KIRREL3: variants seen among roughly 807,000 people sequenced by gnomAD.
The protein encoded by KIRREL3 is kin of IRRE-like protein 3.
KIRREL3 carries 36 observed loss-of-function variants against 89.7 expected under a neutral mutation model. The observed-to-expected ratio is 0.40, with a 90% CI of 0.31 to 0.53. The LOEUF (loss-of-function observed/expected upper bound fraction) is 0.53. KIRREL3 is among the 20% of genes least tolerant of loss of function. The pLI is 0.49. For synonymous variants in KIRREL3, 445 were observed against 441.4 expected, an observed-to-expected ratio of 1.01 and a Z score of -0.10; for missense variants, 864 against 1,056.6, an observed-to-expected ratio of 0.82 and a Z score of 2.53.
rs1320409954 is a variant in KIRREL3, at chr11:126,837,749, T to A, written c.55+162706A>T. On this transcript the variant is annotated intron_variant, in intron 1 of 16. Coordinates refer to ENST00000525144, the MANE Select transcript of KIRREL3 (RefSeq NM_032531.4). The surrounding 1 kb of genome is among the most constrained non-coding windows in gnomAD (Gnocchi z 4.7). ...ACAAACTATTGTGATTAAAGGTGAT[T>A]TTGTCAAAGCATAACACTACCTCTC... 1.3e-5 allele frequency among the ~76,000 whole-genome samples: 2 copies of A among 152,192 alleles called. No individual in the cohort carries two copies. Among genetic ancestry groups the A allele is most frequent in the African/African-American group, 4.8e-5 (2 of 41,440 alleles).
chr11:126,572,879 G>T (rs189811770), intron 1 of KIRREL3, among the ~76,000 whole-genome samples: 1 of 152,158 alleles, frequency 6.6e-6, no homozygotes, highest in Non-Finnish European at 1.5e-5. Context: ...AGGGCCACAC[G>T]CTGACTTTAA....
chr11:126,712,930 C>T (rs1177516821), intron 1 of KIRREL3, among the ~76,000 whole-genome samples: 4 of 152,140 alleles, frequency 2.6e-5, no homozygotes, highest in Non-Finnish European at 4.4e-5. Flanking sequence ...GAAGCTCTGG[C>T]GTGGTGCTAG....
Position 126,484,422 on chromosome 11 carries a change from A to T in KIRREL3, c.434-10956T>A, listed in dbSNP as rs1957297215. Among the ~76,000 whole-genome samples the T allele has an allele frequency of 6.6e-6, 1 of 152,224 alleles. No individual in the cohort carries two copies. The highest frequency in any genetic ancestry group is 2.4e-5 in the African/African-American group (1 of 41,454). ...CTGTGTACTTTACAAATATCCTTTA[A>T]TCCTCACAGCTCTATATAAGGTAGA... is the stretch of plus-strand genomic sequence containing the variant. On this transcript the variant is annotated intron_variant, in intron 4 of 16. Transcript: ENST00000525144. This position sits in a 1 kb window ranked among gnomAD's most constrained non-coding sequence, Gnocchi z 5.2.
In KIRREL3 at chr11:126,463,171, G is replaced by C; in HGVS notation, c.728C>G (p.Thr243Ser). The change falls in exon 6 of 17, where the codon ACC becomes AGC. Residue 243 changes from threonine (T) to serine (S), a missense_variant. Coordinates refer to ENST00000525144, the MANE Select transcript of KIRREL3 (RefSeq NM_032531.4). This position sits in a 1 kb window ranked among gnomAD's most constrained non-coding sequence, Gnocchi z 5.9. ...TGGGTACTCACGCTGGATGTCAATG[G>C]TGACCGACGTCTCCTTTCCTCCGGG... ...AIPGGKETSV[T>S]IDIQHPPLVN... 6.2e-7 allele frequency: 1 copy of C among 1,613,498 alleles called. No homozygotes were observed. The highest frequency in any genetic ancestry group is 1.1e-5 in the South Asian group (1 of 91,050).
At chr11:126,458,663 C>T (rs1425149612) in intron 6 of KIRREL3, among the ~76,000 whole-genome samples, 1 of 152,232 alleles carries the variant, frequency 6.6e-6, no homozygotes, top group Non-Finnish European at 1.5e-5. Context: ...TGTTCTCCCA[C>T]ATTTTCCCTA....
Position 126,463,471 on chromosome 11 carries a change from G to A in KIRREL3, c.592-164C>T, listed in dbSNP as rs1394366382. ...TGCCCATGTCTACGCAGAGCTCGGG[G>A]GTTACCCCCTGGCTCCCTGGCCTGG... On this transcript the variant is annotated intron_variant, in intron 5 of 16. Transcript: ENST00000525144. The surrounding 1 kb of genome is among the most constrained non-coding windows in gnomAD (Gnocchi z 5.9). Among the ~76,000 whole-genome samples, 1 of 152,230 alleles carries A rather than the reference G, an allele frequency of 6.6e-6. No homozygotes were observed. The highest frequency in any genetic ancestry group is 1.5e-5 in the Non-Finnish European group (1 of 68,044).
Position 126,636,959 on chromosome 11 carries a change from T to G in KIRREL3, c.56-74047A>C, listed in dbSNP as rs1565610230. 6.6e-6 allele frequency among the ~76,000 whole-genome samples: 1 copy of G among 152,194 alleles called. No individual in the cohort carries two copies. Among genetic ancestry groups the G allele is most frequent in the East Asian group, 1.9e-4 (1 of 5,198 alleles). On this transcript the variant is annotated intron_variant, in intron 1 of 16. Coordinates refer to ENST00000525144, the MANE Select transcript of KIRREL3 (RefSeq NM_032531.4). The surrounding 1 kb of genome is among the most constrained non-coding windows in gnomAD (Gnocchi z 4.4). ...AGATGACTGAGGGATAAAAAGGCGA[T>G]GTGAAAGTCCCTAGGAGGGTAGGCA...
intron 1 of KIRREL3, among the ~76,000 whole-genome samples, chr11:126,722,207 T>A (rs945621501): frequency 6.6e-6 from 1 of 152,250 alleles, no homozygotes; most frequent in African/African-American, 2.4e-5. Flanking sequence ...AGCCCTTGGC[T>A]GACACTTGAA....
At chr11:126,499,628 A>T (rs1217275106) in intron 4 of KIRREL3, among the ~76,000 whole-genome samples, 1 of 152,124 alleles carries the variant, frequency 6.6e-6, no homozygotes, top group African/African-American at 2.4e-5. Context: ...AACATCCCAA[A>T]CGCTCACGTT....
At chr11:126,680,591 C>T (rs1349702165) in intron 1 of KIRREL3, among the ~76,000 whole-genome samples, 1 of 152,058 alleles carries the variant, frequency 6.6e-6, no homozygotes, top group Non-Finnish European at 1.5e-5. Flanking sequence ...TATGCAAGGA[C>T]TGGGGTTTAA....
intron 1 of KIRREL3, among the ~76,000 whole-genome samples, chr11:126,827,982 G>T (rs1418583735): frequency 6.6e-6 from 1 of 152,170 alleles, no homozygotes; most frequent in Non-Finnish European, 1.5e-5. Flanking sequence ...GACCTTGGGA[G>T]CAATGTGACT....
At chr11:126,552,987 G>C (rs778941026) in intron 2 of KIRREL3, among the ~76,000 whole-genome samples, 3 of 152,146 alleles carry the variant, frequency 2.0e-5, no homozygotes, top group African/African-American at 7.2e-5. Flanking sequence ...CTCTTCCCCA[G>C]ATCAGCCAGA....
In KIRREL3 at chr11:126,641,601, A is replaced by T. The variant is rs545483090; in HGVS notation, c.56-78689T>A. ...CATTTACAGGTCGCAGACATTTACA[A>T]CACCAGCCTCCTGGCTTCTTATGGG... On this transcript the variant is annotated intron_variant, in intron 1 of 16. Coordinates refer to ENST00000525144, the MANE Select transcript of KIRREL3 (RefSeq NM_032531.4). This position sits in a 1 kb window ranked among gnomAD's most constrained non-coding sequence, Gnocchi z 5.0. Among the ~76,000 whole-genome samples the T allele has an allele frequency of 5.9e-5, 9 of 152,152 alleles. No homozygotes were observed. Among genetic ancestry groups the T allele is most frequent in the Non-Finnish European group, 1.2e-4 (8 of 68,006 alleles).
Position 126,773,983 on chromosome 11 carries a change from G to T in KIRREL3, c.56-211071C>A, listed in dbSNP as rs1262844692. On this transcript the variant is annotated intron_variant, in intron 1 of 16. Transcript: ENST00000525144. This position sits in a 1 kb window ranked among gnomAD's most constrained non-coding sequence, Gnocchi z 4.2. ...CAAATAGGAACAAAGCCAGGGACAG[G>T]GTAAGAGTCTCCGGCTGGAGAAAAA... Among the ~76,000 whole-genome samples, 1 of 152,074 alleles carries T rather than the reference G, an allele frequency of 6.6e-6. No individual in the cohort carries two copies. Among genetic ancestry groups the T allele is most frequent in the Non-Finnish European group, 1.5e-5 (1 of 68,030 alleles).
chr11:126,440,904 G>C (rs1373269074), intron 10 of KIRREL3: 1 of 334,208 alleles, frequency 3.0e-6, no homozygotes, highest in Non-Finnish European at 5.6e-6. Context: ...AAGCTTTAGG[G>C]AGGAGGTGGT....
Position 126,557,613 on chromosome 11 carries a change from G to A in KIRREL3, c.133+5222C>T, listed in dbSNP as rs1340396016. ...CTGTGGGGCACCTCTCTTTCTATAC[G>A]AGGAAACAGTAGAAGCTTTAGACTC... On this transcript the variant is annotated intron_variant, in intron 2 of 16. Transcript: ENST00000525144. The surrounding 1 kb of genome is among the most constrained non-coding windows in gnomAD (Gnocchi z 5.6). 1.3e-5 allele frequency among the ~76,000 whole-genome samples: 2 copies of A among 152,246 alleles called. No individual in the cohort carries two copies. Among genetic ancestry groups the A allele is most frequent in the East Asian group, 1.9e-4 (1 of 5,172 alleles).
chr11:126,815,248 T>TG (rs1244320592), intron 1 of KIRREL3, among the ~76,000 whole-genome samples: 1 of 152,144 alleles, frequency 6.6e-6, no homozygotes, highest in Non-Finnish European at 1.5e-5. Flanking sequence ...GAGTTAAGGA[T>TG]GGGGGCATCA....
rs887978912 is a variant in KIRREL3, at chr11:126,890,825, C to A, written c.55+109630G>T. On this transcript the variant is annotated intron_variant, in intron 1 of 16. Coordinates refer to ENST00000525144, the MANE Select transcript of KIRREL3 (RefSeq NM_032531.4). This position sits in a 1 kb window ranked among gnomAD's most constrained non-coding sequence, Gnocchi z 5.1. ...CAGCGCTGCCCCAGCATCCTCCCAA[C>A]CACTGTCCTCAGCATTGTTTCAATA... Among the ~76,000 whole-genome samples the A allele has an allele frequency of 2.6e-5, 4 of 152,208 alleles. No individual in the cohort carries two copies.
chr11:126,825,218 C>T (rs906086845), intron 1 of KIRREL3, among the ~76,000 whole-genome samples: 1 of 152,116 alleles, frequency 6.6e-6, no homozygotes, highest in African/African-American at 2.4e-5. Flanking sequence ...CATAAAATGC[C>T]TCTTGAAATT....
Sources: gnomAD v4.1 joint callset for allele counts (sites outside exome capture counted in the v4.1 genomes callset) on GRCh38, gnomAD v4.1.1 for gene constraint, Gnocchi (gnomAD v3.1) non-coding constraint, MANE v1.5 for transcripts, NCBI Gene and HGNC (gene_info 2026-07-23, HGNC 2026-07-21) for gene names.